Variants in NRXN1 observed in about 807,000 individuals in gnomAD.
The protein encoded by NRXN1 is neurexin 1.
A neutral mutation model predicts 150.9 loss-of-function variants in NRXN1; 39 were observed. The ratio of observed to expected loss-of-function variants is 0.26; its 90% CI spans 0.20 to 0.34. NRXN1 has a LOEUF of 0.34. Among genes scored for constraint, NRXN1 ranks in the 10% least tolerant of loss-of-function variants. The pLI is 1.00. For missense variants in NRXN1, 1,815 were observed against 1,949.9 expected, an observed-to-expected ratio of 0.93 and a Z score of 1.30; for synonymous variants, 924 against 757.0, an observed-to-expected ratio of 1.22 and a Z score of -3.62.
chr2:50,679,790 G>T (rs937773648), intron 5 of NRXN1, among the ~76,000 whole-genome samples: 1 of 152,028 alleles, frequency 6.6e-6, no homozygotes, highest in East Asian at 1.9e-4. Flanking sequence ...ATTCTTAAAG[G>T]TTTAATATCC....
At chr2:50,629,820 T>C (rs1286681804) in intron 5 of NRXN1, among the ~76,000 whole-genome samples, 1 of 151,606 alleles carries the variant, frequency 6.6e-6, no homozygotes, top group Non-Finnish European at 1.5e-5. Context: ...TATCCTTTAA[T>C]TACCATTTGC....
chr2:50,907,739 A>C (rs1366125019), intron 5 of NRXN1, among the ~76,000 whole-genome samples: 1 of 152,090 alleles, frequency 6.6e-6, no homozygotes, highest in African/African-American at 2.4e-5. Context: ...AGCCTCAAAA[A>C]AGATAGAAAA....
intron 21 of NRXN1, among the ~76,000 whole-genome samples, chr2:49,964,444 G>C (rs1307670866): frequency 6.6e-6 from 1 of 151,910 alleles, no homozygotes; most frequent in African/African-American, 2.4e-5. Context: ...ATCGGGTGTG[G>C]TGGCGCACAC....
Position 51,030,553 on chromosome 2 carries a change from C to CACAG in NRXN1, c.-921-1360_-921-1359insCTGT, listed in dbSNP as rs1477225483. 2.8e-4 allele frequency among the ~76,000 whole-genome samples: 42 copies of CACAG among 151,786 alleles called. 1 individual carries two copies. The East Asian group carries it at 2.9e-3, about 11-fold the overall frequency. On this transcript the variant is annotated intron_variant, in intron 1 of 22. Transcript: ENST00000401669. Reference sequence around the variant, plus strand: ...CTCTTTCAACACACACACACACACACACACACACACACACACACAGTGTGG... The same window carrying CACAG: ...CTCTTTCAACACACACACACACACACACAGACACACACACACACACACAGTGTGG...
At chr2:49,949,733 G>A (rs939336897) in intron 21 of NRXN1, among the ~76,000 whole-genome samples, 1 of 151,822 alleles carries the variant, frequency 6.6e-6, no homozygotes, top group Non-Finnish European at 1.5e-5. Context: ...AATGACATGA[G>A]CATTGTATAA....
At chr2:50,053,623 G>A (rs1230354316) in intron 20 of NRXN1, 33 bp from the exon 21 acceptor site, 2 of 1,605,692 alleles carry the variant, frequency 1.2e-6, no homozygotes, top group Non-Finnish European at 1.7e-6. Context: ...ATGCAAAAAT[G>A]TTGATTGTGA....
At chr2:50,486,430 T>C (rs13424060) in intron 15 of NRXN1, among the ~76,000 whole-genome samples, 8,378 of 152,252 alleles carry the variant, frequency 0.055, 804 homozygotes, top group African/African-American at 0.19. Flanking sequence ...AGACATTTAA[T>C]GTCATTTTGG....
At chr2:50,700,259 A>C (rs941030807) in intron 5 of NRXN1, among the ~76,000 whole-genome samples, 1 of 152,186 alleles carries the variant, frequency 6.6e-6, no homozygotes, top group Admixed American at 6.5e-5. Flanking sequence ...CCATTTGGAA[A>C]AGTAACCAGC....
Position 50,278,285 on chromosome 2 carries a change from A to ATATTATATATATAAT in NRXN1, c.3365-41316_3365-41315insATTATATATATAATA, listed in dbSNP as rs1558437343. Among the ~76,000 whole-genome samples, 193 of 60,704 alleles carry ATATTATATATATAAT rather than the reference A, an allele frequency of 3.2e-3. 1 individual carries two copies. The highest frequency in any genetic ancestry group is 0.012 in the African/African-American group (187 of 15,670). The allele number at this position is 60,704 out of a possible 152,430, so 39.8% of individuals were successfully genotyped here. On this transcript the variant is annotated intron_variant, in intron 17 of 22. Transcript: ENST00000401669. ...TATATTATATATGTATTATATATAT[A>ATATTATATATATAAT]ATACATATATAATATATATTTTATA...
rs1032895394 is a variant in NRXN1 at position 50,045,492 on chromosome 2, G to A, written c.4128+7779C>T. 9.2e-5 allele frequency among the ~76,000 whole-genome samples: 14 copies of A among 152,120 alleles called. No homozygotes were observed. In the South Asian group the frequency reaches 1.0e-3, roughly 11 times the overall value. On this transcript the variant is annotated intron_variant, in intron 21 of 22. Coordinates refer to ENST00000401669, the MANE Select transcript of NRXN1 (RefSeq NM_001330078.2). ...CCCAAGTAGCTGGGACTACAGGCGC[G>A]TGCCACCATGCCCGGCTAATTTTTG...
intron 18 of NRXN1, among the ~76,000 whole-genome samples, chr2:50,146,700 G>C (rs1708059076): frequency 1.3e-5 from 2 of 151,490 alleles, no homozygotes; most frequent in South Asian, 4.1e-4. Context: ...CGTTAACATA[G>C]TTTTTATGTT....
At chr2:51,022,765 C>A (rs1290473135) in intron 2 of NRXN1, among the ~76,000 whole-genome samples, 1 of 152,260 alleles carries the variant, frequency 6.6e-6, no homozygotes. Flanking sequence ...ATTACAAGCA[C>A]CTACAAAATA....
chr2:50,614,322 T>A (rs1317987993), intron 8 of NRXN1, among the ~76,000 whole-genome samples: 1 of 152,120 alleles, frequency 6.6e-6, no homozygotes, highest in Non-Finnish European at 1.5e-5. Flanking sequence ...TCACTGAAGA[T>A]CTCTTTTTCC....
At chr2:50,457,916 T>C (rs191185466) in intron 17 of NRXN1, among the ~76,000 whole-genome samples, 1 of 152,100 alleles carries the variant, frequency 6.6e-6, no homozygotes, top group Admixed American at 6.6e-5. Context: ...CTATGGAGAA[T>C]AGCTTGGTGG....
intron 17 of NRXN1, among the ~76,000 whole-genome samples, chr2:50,269,996 TATTAG>T (rs1275692456): frequency 6.6e-6 from 1 of 152,116 alleles, no homozygotes; most frequent in Non-Finnish European, 1.5e-5. Flanking sequence ...TAAATTAAAT[TATTAG>T]ATTAAATTAA....
chr2:50,887,582 T>C (rs1181849757), intron 5 of NRXN1, among the ~76,000 whole-genome samples: 2 of 151,510 alleles, frequency 1.3e-5, no homozygotes, highest in Admixed American at 1.3e-4. Flanking sequence ...TGAGTTTATC[T>C]AGTCTTTCGT....
At chr2:50,657,199 C>T (rs1446190526) in intron 5 of NRXN1, among the ~76,000 whole-genome samples, 2 of 151,988 alleles carry the variant, frequency 1.3e-5, no homozygotes, top group East Asian at 3.9e-4. Context: ...GCTTTAGCCA[C>T]ATCCATCTCC....
chr2:50,204,213 A>G (rs72887748), intron 18 of NRXN1, among the ~76,000 whole-genome samples: 2,987 of 152,186 alleles, frequency 0.02, 80 homozygotes, highest in African/African-American at 0.069. Context: ...CAACTAGGTG[A>G]AGTTAAAATT....
chr2:50,495,403 G>A (rs2091531900), intron 15 of NRXN1, among the ~76,000 whole-genome samples: 2 of 132,516 alleles, frequency 1.5e-5, no homozygotes, highest in South Asian at 2.5e-4. Flanking sequence ...GTGTGTGTGT[G>A]TGTGTGTGTG....
Sources: allele counts gnomAD v4.1 joint callset (sites outside exome capture counted in the v4.1 genomes callset), GRCh38; gene constraint gnomAD v4.1.1; transcripts MANE v1.5; gene names NCBI Gene and HGNC (gene_info 2026-07-23, HGNC 2026-07-21).